Variants in EDIL3 observed in about 807,000 individuals in gnomAD.
EDIL3 encodes EGF-like repeat and discoidin I-like domain-containing protein 3.
Under a neutral mutation model 67.4 loss-of-function variants are expected in EDIL3, and 37 were observed. That is an observed-to-expected ratio of 0.55 (90% CI 0.42 to 0.72). EDIL3 has a LOEUF of 0.72. Among genes scored for constraint, EDIL3 ranks in the 30% least tolerant of loss-of-function variants. The pLI is 0.00. For synonymous variants in EDIL3, 195 were observed against 196.3 expected, an observed-to-expected ratio of 0.99 and a Z score of 0.05; for missense variants, 527 against 586.3, an observed-to-expected ratio of 0.90 and a Z score of 1.04.
At chr5:84,154,501 GAT>G (rs1748455164) in intron 4 of EDIL3, among the ~76,000 whole-genome samples, 2 of 151,788 alleles carry the variant, frequency 1.3e-5, no homozygotes, top group Non-Finnish European at 2.9e-5. Context: ...ACTTCCTTCT[GAT>G]GCATTCTACC....
chr5:84,263,341 G>A (rs1400366960), intron 1 of EDIL3, among the ~76,000 whole-genome samples: 2 of 152,176 alleles, frequency 1.3e-5, no homozygotes, highest in Non-Finnish European at 2.9e-5. Flanking sequence ...TTTAGAAAAG[G>A]TGATGTTCCT....
At chr5:84,343,015 T>G (rs1747157315) in intron 1 of EDIL3, among the ~76,000 whole-genome samples, 1 of 152,120 alleles carries the variant, frequency 6.6e-6, no homozygotes, top group Non-Finnish European at 1.5e-5. Flanking sequence ...TCAAGTTTTC[T>G]TTCAATTTTT....
At chr5:84,105,507 T>C (rs971901401) in intron 6 of EDIL3, among the ~76,000 whole-genome samples, 1 of 152,052 alleles carries the variant, frequency 6.6e-6, no homozygotes, top group Non-Finnish European at 1.5e-5. Flanking sequence ...GCCTGTAAAC[T>C]AGTTCTTGTA....
intron 1 of EDIL3, among the ~76,000 whole-genome samples, chr5:84,346,887 C>T (rs561703207): frequency 3.7e-4 from 57 of 152,266 alleles, no homozygotes; most frequent in African/African-American, 1.3e-3. Flanking sequence ...AGACTCAATC[C>T]TGATGGCATA....
intron 9 of EDIL3, among the ~76,000 whole-genome samples, chr5:84,051,248 G>C (rs572848641): frequency 6.6e-6 from 1 of 152,338 alleles, no homozygotes; most frequent in Admixed American, 6.5e-5. Flanking sequence ...CTGCAGCTGA[G>C]GGTCCTGAAT....
intron 4 of EDIL3, among the ~76,000 whole-genome samples, chr5:84,164,128 GC>G (rs1748660905): frequency 6.6e-6 from 1 of 152,046 alleles, no homozygotes; most frequent in African/African-American, 2.4e-5. Context: ...TATATGCCCT[GC>G]TTTTTCCACA....
chr5:84,311,324 CTTTTTTTTTTTT>C (rs58965080), intron 1 of EDIL3, among the ~76,000 whole-genome samples: 1 of 105,546 alleles, frequency 9.5e-6, no homozygotes, highest in African/African-American at 3.3e-5. Context: ...TTTTTTTTTT[CTTTTTTTTTTTT>C]TTTACATGCA....
chr5:84,150,203 A>C (rs115142387), intron 4 of EDIL3, among the ~76,000 whole-genome samples: 2,149 of 152,290 alleles, frequency 0.014, 45 homozygotes, highest in African/African-American at 0.049. Flanking sequence ...ATGCTGAAAT[A>C]ATTGAATATA....
chr5:84,351,882 C>A (rs1002464905), intron 1 of EDIL3, among the ~76,000 whole-genome samples: 1 of 151,728 alleles, frequency 6.6e-6, no homozygotes, highest in African/African-American at 2.4e-5. Context: ...TATTTTCAAT[C>A]TATATATCTA....
intron 3 of EDIL3, among the ~76,000 whole-genome samples, chr5:84,181,593 G>A (rs1749013860): frequency 6.6e-6 from 1 of 151,906 alleles, no homozygotes; most frequent in Non-Finnish European, 1.5e-5. Context: ...ATCTACTCTT[G>A]CTCTCTCTCC....
intron 4 of EDIL3, among the ~76,000 whole-genome samples, chr5:84,140,842 C>G (rs1748175617): frequency 6.6e-6 from 1 of 152,084 alleles, no homozygotes; most frequent in African/African-American, 2.4e-5. Flanking sequence ...CAGTAATACA[C>G]AAGCTTAGAA....
intron 9 of EDIL3, among the ~76,000 whole-genome samples, chr5:84,039,206 A>G (rs1390160904): frequency 6.6e-6 from 1 of 152,090 alleles, no homozygotes; most frequent in African/African-American, 2.4e-5. Context: ...TAGACAAAAG[A>G]TCCCAAATGT....
At chr5:84,360,205 G>C (rs1022607712) in intron 1 of EDIL3, among the ~76,000 whole-genome samples, 3 of 152,174 alleles carry the variant, frequency 2.0e-5, no homozygotes, top group Non-Finnish European at 4.4e-5. Context: ...AATTATGTTT[G>C]CTGAATAGAA....
chr5:84,281,976 G>A (rs1580053312), intron 1 of EDIL3, among the ~76,000 whole-genome samples: 1 of 142,994 alleles, frequency 7.0e-6, no homozygotes, highest in African/African-American at 2.6e-5. Flanking sequence ...AAGTGATTCT[G>A]CTGCCTCAGC....
At chr5:84,098,763 T>C (rs1747310709) in intron 6 of EDIL3, among the ~76,000 whole-genome samples, 1 of 152,226 alleles carries the variant, frequency 6.6e-6, no homozygotes, top group East Asian at 1.9e-4. Flanking sequence ...TAATGCAGTG[T>C]TAAGAGGGAA....
intron 2 of EDIL3, among the ~76,000 whole-genome samples, chr5:84,247,398 G>C (rs1744929199): frequency 6.6e-6 from 1 of 151,640 alleles, no homozygotes; most frequent in Non-Finnish European, 1.5e-5. Flanking sequence ...AAGTCTTTCG[G>C]ACAACGTCAG....
intron 6 of EDIL3, among the ~76,000 whole-genome samples, chr5:84,079,173 C>T (rs1312833341): frequency 1.3e-5 from 2 of 152,128 alleles, no homozygotes; most frequent in Admixed American, 6.6e-5. Flanking sequence ...AGTTCCTCTT[C>T]TCTTCTCCCA....
chr5:84,195,298 T>A (rs1406553201), intron 3 of EDIL3, among the ~76,000 whole-genome samples: 1 of 152,010 alleles, frequency 6.6e-6, no homozygotes, highest in Non-Finnish European at 1.5e-5. Flanking sequence ...GGGAAGTTAC[T>A]ATAAATATTA....
chr5:84,131,749 A>G (rs550932891), intron 5 of EDIL3, among the ~76,000 whole-genome samples: 1 of 152,320 alleles, frequency 6.6e-6, no homozygotes, highest in East Asian at 1.9e-4. Flanking sequence ...GTGAAAAGAT[A>G]CAGTTTAGTA....
Sources: allele counts gnomAD v4.1 joint callset (sites outside exome capture counted in the v4.1 genomes callset), GRCh38; gene constraint gnomAD v4.1.1; transcripts MANE v1.5; gene names NCBI Gene and HGNC (gene_info 2026-07-23, HGNC 2026-07-21).